ADGRL3: variants seen among roughly 807,000 people sequenced by gnomAD.
The protein encoded by ADGRL3 is calcium-independent alpha-latrotoxin receptor 3.
ADGRL3 carries 62 observed loss-of-function variants against 153.5 expected under a neutral mutation model. That is an observed-to-expected ratio of 0.40 (90% CI 0.33 to 0.50). ADGRL3 has a LOEUF of 0.50. Ranked by LOEUF, ADGRL3 falls within the 20% of genes least tolerant of loss-of-function variation. The pLI, the probability that ADGRL3 is intolerant of heterozygous loss-of-function variation, is 0.47. For missense variants in ADGRL3, 1,641 were observed against 1,859.4 expected (o/e 0.88, Z 2.16); for synonymous variants, 710 against 672.5 (o/e 1.06, Z -0.86).
intron 8 of ADGRL3, among the ~76,000 whole-genome samples, chr4:61,782,486 T>G (rs2097224851): frequency 1.3e-5 from 2 of 152,178 alleles, no homozygotes; most frequent in Non-Finnish European, 2.9e-5. Flanking sequence ...ATTACAGTAG[T>G]CATCCACAGA....
chr4:61,729,226 A>G (rs1393454362), intron 6 of ADGRL3, among the ~76,000 whole-genome samples: 1 of 151,956 alleles, frequency 6.6e-6, no homozygotes, highest in Non-Finnish European at 1.5e-5. Context: ...TATTTAAAAC[A>G]TAATAATATT....
chr4:61,771,747 G>T (rs752543562), intron 8 of ADGRL3, among the ~76,000 whole-genome samples: 6 of 150,766 alleles, frequency 4.0e-5, no homozygotes, highest in African/African-American at 1.5e-4. Flanking sequence ...AACCAAAGGG[G>T]TATCTATTCC....
intron 5 of ADGRL3, among the ~76,000 whole-genome samples, chr4:61,646,919 A>C (rs2094020052): frequency 6.6e-6 from 1 of 152,168 alleles, no homozygotes. Flanking sequence ...CTGTGCTAGC[A>C]ATCAGCGAGA....
chr4:61,409,613 A>G (rs191930888), intron 2 of ADGRL3, among the ~76,000 whole-genome samples: 118 of 151,400 alleles, frequency 7.8e-4, no homozygotes, highest in African/African-American at 2.7e-3. Flanking sequence ...AGAGGTCTAA[A>G]TGTTTTCGTT....
At chr4:61,575,682 G>A (rs761444602) in intron 4 of ADGRL3, among the ~76,000 whole-genome samples, 4 of 151,994 alleles carry the variant, frequency 2.6e-5, no homozygotes, top group Non-Finnish European at 5.9e-5. Context: ...AATCACTGCG[G>A]TGAAGGGTTG....
At chr4:61,901,521 T>G (rs1459531384) in intron 11 of ADGRL3, among the ~76,000 whole-genome samples, 1 of 152,154 alleles carries the variant, frequency 6.6e-6, no homozygotes, top group Non-Finnish European at 1.5e-5. Flanking sequence ...ATTCCAAAAT[T>G]TTAGACTTAT....
At chr4:61,643,595 T>C (rs1391519183) in intron 5 of ADGRL3, among the ~76,000 whole-genome samples, 3 of 150,202 alleles carry the variant, frequency 2.0e-5, no homozygotes, top group Non-Finnish European at 4.4e-5. Flanking sequence ...TTACATTTAT[T>C]GATTTGCGTA....
At chr4:61,806,153 C>T (rs2097550216) in intron 8 of ADGRL3, among the ~76,000 whole-genome samples, 1 of 152,052 alleles carries the variant, frequency 6.6e-6, no homozygotes, top group African/African-American at 2.4e-5. Flanking sequence ...ATATGAGCTG[C>T]AGGTGGTACT....
At chr4:61,549,697 T>C (rs1398138494) in intron 4 of ADGRL3, among the ~76,000 whole-genome samples, 1 of 152,030 alleles carries the variant, frequency 6.6e-6, no homozygotes, top group Non-Finnish European at 1.5e-5. Context: ...AAGATTCAGG[T>C]CCCAGTATTG....
chr4:61,814,830 A>G (rs2097670347), intron 9 of ADGRL3, among the ~76,000 whole-genome samples: 1 of 152,046 alleles, frequency 6.6e-6, no homozygotes, highest in Non-Finnish European at 1.5e-5. Context: ...GGGTGGACCT[A>G]TGTGCACGTG....
chr4:61,820,886 C>T (rs2097747260), intron 9 of ADGRL3, among the ~76,000 whole-genome samples: 1 of 152,088 alleles, frequency 6.6e-6, no homozygotes, highest in Non-Finnish European at 1.5e-5. Context: ...TGCAAAATGC[C>T]CTACCCTAGA....
intron 5 of ADGRL3, among the ~76,000 whole-genome samples, chr4:61,635,882 A>C (rs2093400922): frequency 6.6e-6 from 1 of 152,038 alleles, no homozygotes; most frequent in South Asian, 2.1e-4. Context: ...TCTTCTTCAA[A>C]GGACACCAAT....
At chr4:61,264,958 C>T (rs1012216498) in intron 1 of ADGRL3, among the ~76,000 whole-genome samples, 3 of 151,844 alleles carry the variant, frequency 2.0e-5, no homozygotes, top group Admixed American at 6.6e-5. Flanking sequence ...TTGTGTGTTT[C>T]GTGGTTACAG....
At chr4:61,248,725 G>C (rs113115708) in intron 1 of ADGRL3, among the ~76,000 whole-genome samples, 1 of 152,072 alleles carries the variant, frequency 6.6e-6, no homozygotes, top group African/African-American at 2.4e-5. Flanking sequence ...AATAGAGTCC[G>C]AGCCAGTTTT....
At chr4:61,282,887 G>A (rs2093782149) in intron 1 of ADGRL3, among the ~76,000 whole-genome samples, 1 of 151,976 alleles carries the variant, frequency 6.6e-6, no homozygotes, top group African/African-American at 2.4e-5. Context: ...GAGCATAACA[G>A]CTAGTAGTTA....
At chr4:61,808,623 A>G (rs1295947845) in intron 8 of ADGRL3, among the ~76,000 whole-genome samples, 1 of 152,122 alleles carries the variant, frequency 6.6e-6, no homozygotes, top group Non-Finnish European at 1.5e-5. Context: ...TAAATGCCAG[A>G]TGGTTATAGT....
chr4:61,330,718 A>C (rs1578296566), intron 1 of ADGRL3, among the ~76,000 whole-genome samples: 1 of 152,232 alleles, frequency 6.6e-6, no homozygotes, highest in South Asian at 2.1e-4. Flanking sequence ...CAAAGCTTCC[A>C]CTGCGTGGAA....
intron 5 of ADGRL3, among the ~76,000 whole-genome samples, chr4:61,641,244 T>C (rs933395444): frequency 5.3e-5 from 8 of 150,430 alleles, no homozygotes; most frequent in Non-Finnish European, 1.2e-4. Context: ...GTGCTTGTTA[T>C]GTAGTAAATA....
chr4:61,535,655 G>A (rs1275368073), intron 4 of ADGRL3, among the ~76,000 whole-genome samples: 1 of 150,954 alleles, frequency 6.6e-6, no homozygotes, highest in African/African-American at 2.4e-5. Context: ...TTTTTTCCTT[G>A]TTGTTCAGTC....
Sources: gnomAD v4.1 joint callset for allele counts (sites outside exome capture counted in the v4.1 genomes callset) on GRCh38, gnomAD v4.1.1 for gene constraint, MANE v1.5 for transcripts, NCBI Gene and HGNC (gene_info 2026-07-23, HGNC 2026-07-21) for gene names.